Variants in ADCY3 observed in about 807,000 individuals in gnomAD.
ADCY3 encodes adenylate cyclase 3.
ADCY3 carries 70 observed loss-of-function variants against 119.4 expected under a neutral mutation model. The observed-to-expected ratio is 0.59, with a 90% confidence interval of 0.48 to 0.72. ADCY3 has a LOEUF of 0.72. Ranked by LOEUF, ADCY3 falls within the 30% of genes least tolerant of loss-of-function variation. ADCY3 has a pLI of 0.00. For missense variants in ADCY3, 1,238 were observed against 1,541.6 expected, an observed-to-expected ratio of 0.80 and a Z score of 3.30; for synonymous variants, 672 against 621.4, an observed-to-expected ratio of 1.08 and a Z score of -1.21.
chr2:24,883,974 C>T (rs1159677979), intron 2 of ADCY3, among the ~76,000 whole-genome samples: 1 of 152,208 alleles, frequency 6.6e-6, no homozygotes, highest in Non-Finnish European at 1.5e-5. Flanking sequence ...AAACCCACAT[C>T]ATCTGCTCTC....
Position 24,819,759 on chromosome 2 carries a change from G to A in ADCY3, c.*173C>T. Reference sequence around the variant, plus strand: ...CTGGGGACACTACAGGCACACACAGGAATAGCAGGGCCACCCTCAGAGCTC... The same window carrying A: ...CTGGGGACACTACAGGCACACACAGAAATAGCAGGGCCACCCTCAGAGCTC... On this transcript the variant is annotated 3_prime_UTR_variant, in exon 22 of 22. Coordinates refer to ENST00000679454, the MANE Select transcript of ADCY3 (RefSeq NM_004036.5). 1 of 680,642 alleles carries A rather than the reference G, an allele frequency of 1.5e-6. No homozygotes were observed. The highest frequency in any genetic ancestry group is 2.8e-5 in the East Asian group (1 of 35,300). The allele number at this position is 680,642 out of a possible 1,614,324, so 42.2% of individuals were successfully genotyped here.
At position 24,834,497 on chromosome 2, in the gene ADCY3, A is replaced by G. The variant is rs759251299; in HGVS notation, c.1955T>C (p.Leu652Pro). 4 of 1,601,748 alleles carry G rather than the reference A, an allele frequency of 2.5e-6. No individual in the cohort carries two copies. In the South Asian group the frequency reaches 4.4e-5, roughly 18 times the overall value. Residue 652 changes from leucine (L) to proline (P), a missense_variant, in exon 11 of 22, where the codon CTC (leucine) becomes CCC (proline). Physicochemically the swap from Leu to Pro is moderately conservative, Grantham distance 98 (BLOSUM62 -3). Coordinates refer to ENST00000679454, the MANE Select transcript of ADCY3 (RefSeq NM_004036.5). The surrounding 1 kb of genome is among the most constrained non-coding windows in gnomAD (Gnocchi z 4.2). ...GCCCCTCCCTCACCAGGGGTCGATG[A>G]GTATCTCGACCAGGGCCGTGCAGAG... ...VLLCTALVEI[L>P]IDPWLMTNYV... is the part of the protein sequence containing the mutation.
At chr2:24,882,277 C>G (rs1676491383) in intron 2 of ADCY3, among the ~76,000 whole-genome samples, 1 of 152,160 alleles carries the variant, frequency 6.6e-6, no homozygotes, top group African/African-American at 2.4e-5. Context: ...CAAGAATGGA[C>G]AGCTCAAATG....
At position 24,858,165 on chromosome 2, in the gene ADCY3, A is replaced by ATTTTTTTT. The variant is rs113840547; in HGVS notation, c.825+14397_825+14404dup. Among the ~76,000 whole-genome samples, 160 of 149,214 alleles carry ATTTTTTTT rather than the reference A, an allele frequency of 1.1e-3. 1 individual carries two copies. Among genetic ancestry groups the ATTTTTTTT allele is most frequent in the African/African-American group, 4.0e-3 (155 of 39,178 alleles). ...AGGTGCGCACCACCACCATGCCTGGATTTTTTTTAAGTTTTTTTGTAGAGA... is the reference window on the plus strand; with the variant it reads ...AGGTGCGCACCACCACCATGCCTGGATTTTTTTTTTTTTTTTAAGTTTTTTTGTAGAGA... On this transcript the variant is annotated intron_variant, in intron 3 of 21. Coordinates refer to ENST00000679454, the MANE Select transcript of ADCY3 (RefSeq NM_004036.5).
In ADCY3 at chr2:24,842,492, A is replaced by C; in HGVS notation, c.826-108T>G. Reference sequence around the variant, plus strand: ...ATCCTGGCAAGAAACGTGAGCAGGGAACCATGCTGCCCTCCAGAGAGACCT... The same window carrying C: ...ATCCTGGCAAGAAACGTGAGCAGGGCACCATGCTGCCCTCCAGAGAGACCT... On this transcript the variant is annotated intron_variant, in intron 3 of 21. Coordinates refer to ENST00000679454, the MANE Select transcript of ADCY3 (RefSeq NM_004036.5). This position sits in a 1 kb window ranked among gnomAD's most constrained non-coding sequence, Gnocchi z 4.9. 4 of 1,407,568 alleles carry C rather than the reference A, an allele frequency of 2.8e-6. No individual in the cohort carries two copies. The highest frequency in any genetic ancestry group is 3.9e-6 in the Non-Finnish European group (4 of 1,029,312). The allele number at this position is 1,407,568 out of a possible 1,614,324, so 87.2% of individuals were successfully genotyped here.
intron 3 of ADCY3, among the ~76,000 whole-genome samples, chr2:24,847,935 C>T (rs139901314): frequency 2.0e-5 from 3 of 152,282 alleles, no homozygotes; most frequent in East Asian, 1.9e-4. Flanking sequence ...GGATCCCAGC[C>T]CGCACTGGAG....
chr2:24,887,872 T>C (rs908797126), intron 2 of ADCY3, among the ~76,000 whole-genome samples: 5 of 152,220 alleles, frequency 3.3e-5, no homozygotes, highest in Non-Finnish European at 7.3e-5. Context: ...CATCAGACTG[T>C]GCCAGATACA....
chr2:24,847,326 C>A (rs1325594508), intron 3 of ADCY3, among the ~76,000 whole-genome samples: 1 of 152,208 alleles, frequency 6.6e-6, no homozygotes, highest in Admixed American at 6.5e-5. Context: ...CCATGTGGAA[C>A]TGTAAGTCCA....
At position 24,822,858 on chromosome 2, in the gene ADCY3, TA is replaced by T. The variant is rs1436005276; in HGVS notation, c.2884-229del. Among the ~76,000 whole-genome samples, 4 of 152,272 alleles carry T rather than the reference TA, an allele frequency of 2.6e-5. No homozygotes were observed. The East Asian group carries it at 7.7e-4, about 29-fold the overall frequency. On this transcript the variant is annotated intron_variant, in intron 18 of 21. Transcript: ENST00000679454. Reference sequence around the variant, plus strand: ...CACTGACATAAAATCGGCAGTCTCCTAGGGGGGCTCCGCGCGTGTGTAAAAG... The same window carrying T: ...CACTGACATAAAATCGGCAGTCTCCTGGGGGGCTCCGCGCGTGTGTAAAAG...
rs1667406427 is a variant in ADCY3, at chr2:24,820,331, CAG to C, written c.3253-219_3253-218del. On this transcript the variant is annotated intron_variant, in intron 21 of 21. Transcript: ENST00000679454. ...GACTGGCTGGGGGCCTCCTCTCATC[CAG>C]AGACTTCTCTCCTAGGATGGCCATG... The C allele has an allele frequency of 2.0e-5, 26 of 1,332,444 alleles. No individual in the cohort carries two copies. The South Asian group carries it at 5.4e-4, about 28-fold the overall frequency. The allele number at this position is 1,332,444 out of a possible 1,614,324, so 82.5% of individuals were successfully genotyped here. A position where few individuals can be genotyped will look rare whatever the true frequency, so the allele number is the denominator to read the frequency against.
Position 24,841,303 on chromosome 2 carries a change from G to A in ADCY3, c.1152C>T (p.Ala384=), listed in dbSNP as rs777304756. Residue 384 remains alanine (A), a synonymous_variant, in exon 6 of 22, where the codon GCC becomes GCT. Transcript: ENST00000679454. The surrounding 1 kb of genome is among the most constrained non-coding windows in gnomAD (Gnocchi z 5.8). ...CCAGCCCCATGAGGATGGAGCAGAC[G>A]GCGTGGTCCTCCCGGTAGTCGGGCA... ...CGLPDYREDH[A]VCSILMGLAM... is the part of the protein sequence containing the mutation. 44 of 1,578,404 alleles carry A rather than the reference G, an allele frequency of 2.8e-5. No homozygotes were observed. The highest frequency in any genetic ancestry group is 2.3e-4 in the South Asian group (20 of 86,336).
chr2:24,833,258 G>A (rs1669840981), intron 11 of ADCY3, among the ~76,000 whole-genome samples: 1 of 152,062 alleles, frequency 6.6e-6, no homozygotes, highest in Non-Finnish European at 1.5e-5. Flanking sequence ...CGTGTAGGAG[G>A]CCCCACGTCT....
chr2:24,898,385 G>A lies in ADCY3; in HGVS notation c.675+19928C>T, dbSNP rs960414153. Among the ~76,000 whole-genome samples, 18 of 152,060 alleles carry A rather than the reference G, an allele frequency of 1.2e-4. No individual in the cohort carries two copies. The highest frequency in any genetic ancestry group is 4.3e-4 in the African/African-American group (18 of 41,398). On this transcript the variant is annotated intron_variant, in intron 2 of 21. Coordinates refer to ENST00000679454, the MANE Select transcript of ADCY3 (RefSeq NM_004036.5). This position sits in a 1 kb window ranked among gnomAD's most constrained non-coding sequence, Gnocchi z 4.3. Reference sequence around the variant, plus strand: ...CCTACTGTCTGCGGGATGGGAGTCGGGACACTGACTGTGTGGGAATGCACC... The same window carrying A: ...CCTACTGTCTGCGGGATGGGAGTCGAGACACTGACTGTGTGGGAATGCACC...
intron 2 of ADCY3, among the ~76,000 whole-genome samples, chr2:24,911,647 A>C (rs1428901039): frequency 0.12 from 11,276 of 95,064 alleles, 1,132 homozygotes; most frequent in African/African-American, 0.34. Flanking sequence ...CAAAAAAAAA[A>C]AAAAAAAAAA....
chr2:24,872,854 G>A lies in ADCY3; in HGVS notation c.676-135C>T. On this transcript the variant is annotated intron_variant, in intron 2 of 21. Coordinates refer to ENST00000679454, the MANE Select transcript of ADCY3 (RefSeq NM_004036.5). The surrounding 1 kb of genome is among the most constrained non-coding windows in gnomAD (Gnocchi z 4.4). Reference sequence around the variant, plus strand: ...CCTCAAGTTGCCCAATGTCCAGGGAGGGGCCCAGCACAGCCTTGGACCCCA... The same window carrying A: ...CCTCAAGTTGCCCAATGTCCAGGGAAGGGCCCAGCACAGCCTTGGACCCCA... The A allele has an allele frequency of 9.5e-7, 1 of 1,055,134 alleles. No homozygotes were observed. The highest frequency in any genetic ancestry group is 1.4e-6 in the Non-Finnish European group (1 of 729,576). 65.4% of individuals were successfully genotyped at this position (1,055,134 alleles called of 1,614,324 possible).
chr2:24,919,162 C>A lies in ADCY3; in HGVS notation c.-175G>T. ...GAACGCAGAGCGGGTTTCCAGAGCA[C>A]AGGTAGCACTGATCAGCTAGAACTG... On this transcript the variant is annotated 5_prime_UTR_variant, in exon 2 of 22. Coordinates refer to ENST00000679454, the MANE Select transcript of ADCY3 (RefSeq NM_004036.5). This position sits in a 1 kb window ranked among gnomAD's most constrained non-coding sequence, Gnocchi z 5.5. 3.2e-6 allele frequency: 2 copies of A among 629,070 alleles called. No homozygotes were observed. The highest frequency in any genetic ancestry group is 2.0e-5 in the South Asian group (1 of 50,532). 39.0% of individuals were successfully genotyped at this position (629,070 alleles called of 1,614,324 possible).
Position 24,872,464 on chromosome 2 carries a change from G to T in ADCY3, c.825+106C>A. The T allele has an allele frequency of 7.2e-7, 1 of 1,393,020 alleles. No homozygotes were observed. Among genetic ancestry groups the T allele is most frequent in the Non-Finnish European group, 9.8e-7 (1 of 1,022,802 alleles). The allele number at this position is 1,393,020 out of a possible 1,614,324, so 86.3% of individuals were successfully genotyped here. Reference sequence around the variant, plus strand: ...AAACACCTGAACAGGGTGGATGAACGCCAAGCCCCACGGAGCCAGGGGCTG... The same window carrying T: ...AAACACCTGAACAGGGTGGATGAACTCCAAGCCCCACGGAGCCAGGGGCTG... On this transcript the variant is annotated intron_variant, in intron 3 of 21. Transcript: ENST00000679454. This position sits in a 1 kb window ranked among gnomAD's most constrained non-coding sequence, Gnocchi z 4.4.
At chr2:24,823,441 G>T in intron 17 of ADCY3, 86 bp from the exon 18 acceptor site, 1 of 1,455,154 alleles carries the variant, frequency 6.9e-7, no homozygotes, top group Non-Finnish European at 9.3e-7. Context: ...TTCCATGCAT[G>T]ACATGTGCAC....
At chr2:24,831,860 AGG>A in intron 11 of ADCY3, 111 bp from the exon 12 acceptor site, 1 of 71,308 alleles carries the variant, frequency 1.4e-5, no homozygotes, top group Admixed American at 1.9e-4. Flanking sequence ...GACAGCGGAC[AGG>A]GGGCAGGGGA....
Sources: gnomAD v4.1 joint callset for allele counts (sites outside exome capture counted in the v4.1 genomes callset) on GRCh38, gnomAD v4.1.1 for gene constraint, Gnocchi (gnomAD v3.1) non-coding constraint, MANE v1.5 for transcripts, NCBI Gene and HGNC (gene_info 2026-07-23, HGNC 2026-07-21) for gene names.